CYP3A43: variants seen among roughly 807,000 people sequenced by gnomAD.
CYP3A43 encodes the protein cytochrome P450 3A43.
In CYP3A43, 45 loss-of-function variants were observed where a neutral mutation model predicts 58.0. The observed-to-expected ratio is 0.78, with a 90% confidence interval of 0.61 to 0.99. The LOEUF (loss-of-function observed/expected upper bound fraction) is 0.99. CYP3A43 is among the 50% of genes least tolerant of loss of function. The probability of loss-of-function intolerance (pLI) is 0.00; values close to 1 mark genes in which losing one functional copy is unlikely to be tolerated. For missense variants in CYP3A43, 593 were observed against 591.9 expected, an observed-to-expected ratio of 1.00 and a Z score of -0.02; for synonymous variants, 191 against 201.4, an observed-to-expected ratio of 0.95 and a Z score of 0.44.
chr7:99,842,036 A>G (rs2151599666), intron 3 of CYP3A43, among the ~76,000 whole-genome samples: 1 of 152,362 alleles, frequency 6.6e-6, no homozygotes, highest in South Asian at 2.1e-4. Context: ...CTTTGAATTA[A>G]GACTTCTAAA....
chr7:99,835,364 G>T (rs1378459947), intron 1 of CYP3A43, among the ~76,000 whole-genome samples: 2 of 152,168 alleles, frequency 1.3e-5, no homozygotes, highest in African/African-American at 4.8e-5. Context: ...AGATGTTTAG[G>T]ACTGCTGCTG....
Position 99,847,648 on chromosome 7 carries a change from TG to T in CYP3A43, c.432+49del, listed in dbSNP as rs752952736. ...TAATTAGAAACTTAAAGGATGAATC[TG>T]GAGACAGGTAGTAAGTATCATCATA... is the stretch of plus-strand genomic sequence containing the variant. On this transcript the variant is annotated intron_variant, in intron 5 of 12. Transcript: ENST00000354829. 2.5e-6 allele frequency: 4 copies of T among 1,607,492 alleles called. No homozygotes were observed. The South Asian group carries it at 4.4e-5, about 18-fold the overall frequency.
At chr7:99,835,519 T>C (rs1309681628) in intron 1 of CYP3A43, among the ~76,000 whole-genome samples, 3 of 152,238 alleles carry the variant, frequency 2.0e-5, no homozygotes, top group Non-Finnish European at 4.4e-5. Flanking sequence ...TAAGCTCTCC[T>C]TCTTTTTCTC....
chr7:99,855,648 A>T lies in CYP3A43; in HGVS notation c.728A>T (p.Lys243Ile). The T allele has an allele frequency of 6.2e-7, 1 of 1,613,686 alleles. No individual in the cohort carries two copies. The highest frequency in any genetic ancestry group is 8.5e-7 in the Non-Finnish European group (1 of 1,179,896). Residue 243 changes from lysine to isoleucine, a missense_variant, in exon 8 of 13, where the codon AAA becomes ATA. Coordinates refer to ENST00000354829, the MANE Select transcript of CYP3A43 (RefSeq NM_057095.3). ...GCCCTAAATATCGGTTTGTTTCCAA[A>T]AGATGTTACCCATTTTTTAAAAAAT... ...FEALNIGLFP[K>I]DVTHFLKNSI...
rs372869735 is a variant in CYP3A43 at position 99,839,109 on chromosome 7, T to C, written c.166-11T>C. On this transcript the variant is annotated splice_polypyrimidine_tract_variant and intron_variant, in intron 2 of 12. Transcript: ENST00000354829. ...AATAATACTTGAATTGTATTTTGTT[T>C]CTTCTGCCAGGGTCTTTGGAATTTT... The C allele has an allele frequency of 1.9e-6, 3 of 1,614,080 alleles. No individual in the cohort carries two copies. In the African/African-American group the frequency reaches 4.0e-5, roughly 22 times the overall value.
chr7:99,845,775 T>C (rs1199117237), intron 4 of CYP3A43, among the ~76,000 whole-genome samples: 3 of 141,594 alleles, frequency 2.1e-5, no homozygotes, highest in Non-Finnish European at 4.4e-5. Context: ...TTAGTTCTTG[T>C]TTTTGCTTTT....
At chr7:99,850,559 T>C (rs996205468) in intron 7 of CYP3A43, among the ~76,000 whole-genome samples, 5 of 152,144 alleles carry the variant, frequency 3.3e-5, no homozygotes, top group African/African-American at 9.7e-5. Flanking sequence ...ACCTTTTTTA[T>C]GTTGCCCAGG....
At chr7:99,836,354 C>A in intron 1 of CYP3A43, 99 bp from the exon 2 acceptor site, 1 of 863,762 alleles carries the variant, frequency 1.2e-6, no homozygotes, top group Non-Finnish European at 1.9e-6. Context: ...CATGTTACCT[C>A]CCTCCCTTGA....
chr7:99,844,056 C>A, intron 3 of CYP3A43, 87 bp from the exon 4 acceptor site: 2 of 1,045,886 alleles, frequency 1.9e-6, no homozygotes, highest in Admixed American at 2.4e-5. Context: ...GATGGAATGT[C>A]AGGATCAAAA....
In CYP3A43 at chr7:99,828,038, T is replaced by C; in HGVS notation, c.-78T>C. The C allele has an allele frequency of 8.3e-7, 1 of 1,207,488 alleles. No individual in the cohort carries two copies. The highest frequency in any genetic ancestry group is 1.2e-6 in the Non-Finnish European group (1 of 835,518). 74.8% of individuals were successfully genotyped at this position (1,207,488 alleles called of 1,614,324 possible). On this transcript the variant is annotated 5_prime_UTR_variant, in exon 1 of 13. Transcript: ENST00000354829. ...ACCTCTGGGCAGAGAAACAAAGCTCTATATGCACAGCCCAGCAAAGAGCAG... is the reference window on the plus strand; with the variant it reads ...ACCTCTGGGCAGAGAAACAAAGCTCCATATGCACAGCCCAGCAAAGAGCAG...
chr7:99,844,725 T>A (rs963796750), intron 4 of CYP3A43, among the ~76,000 whole-genome samples: 10 of 152,204 alleles, frequency 6.6e-5, no homozygotes, highest in Non-Finnish European at 1.5e-4. Context: ...TTACTGTAAG[T>A]CTGAAAATTA....
chr7:99,850,033 T>A, intron 7 of CYP3A43: 1 of 444,958 alleles, frequency 2.2e-6, no homozygotes, highest in Non-Finnish European at 4.4e-6. Flanking sequence ...CTGGGCTCAC[T>A]GAAACCTCCA....
intron 7 of CYP3A43, among the ~76,000 whole-genome samples, chr7:99,850,534 T>G (rs1817721552): frequency 6.6e-6 from 1 of 152,042 alleles, no homozygotes; most frequent in African/African-American, 2.4e-5. Context: ...TGAGCCACCA[T>G]GCCCTGCCTT....
chr7:99,837,653 A>T (rs999838477), intron 2 of CYP3A43, among the ~76,000 whole-genome samples: 21 of 152,198 alleles, frequency 1.4e-4, no homozygotes, highest in South Asian at 2.1e-4. Flanking sequence ...GTTTTTTTTT[A>T]AAAGAAAGGC....
At chr7:99,830,789 A>G (rs1816812400) in intron 1 of CYP3A43, among the ~76,000 whole-genome samples, 1 of 152,234 alleles carries the variant, frequency 6.6e-6, no homozygotes, top group South Asian at 2.1e-4. Context: ...ATGCATATTC[A>G]TGAGATAAAT....
At chr7:99,828,946 C>T (rs1175497149) in intron 1 of CYP3A43, among the ~76,000 whole-genome samples, 1 of 152,216 alleles carries the variant, frequency 6.6e-6, no homozygotes, top group Non-Finnish European at 1.5e-5. Context: ...AGCACTGCTA[C>T]CTGAGAGACT....
intron 1 of CYP3A43, among the ~76,000 whole-genome samples, chr7:99,834,549 CA>C (rs1816986230): frequency 6.6e-6 from 1 of 152,220 alleles, no homozygotes; most frequent in African/African-American, 2.4e-5. Context: ...CTGTGCTCCA[CA>C]GGTCCAATAT....
At chr7:99,847,148 C>T (rs1443344942) in intron 4 of CYP3A43, among the ~76,000 whole-genome samples, 4 of 152,152 alleles carry the variant, frequency 2.6e-5, no homozygotes, top group Admixed American at 6.5e-5. Context: ...TCCCTTTCTG[C>T]TTTGCACAAC....
intron 11 of CYP3A43, 27 bp downstream of exon 11, chr7:99,861,866 TC>T: frequency 6.3e-7 from 1 of 1,581,642 alleles, no homozygotes; most frequent in Non-Finnish European, 8.7e-7. Flanking sequence ...AAAGGAGCCT[TC>T]CCTCAACCAG....
Sources: allele counts gnomAD v4.1 joint callset (sites outside exome capture counted in the v4.1 genomes callset), GRCh38; gene constraint gnomAD v4.1.1; transcripts MANE v1.5; gene names NCBI Gene and HGNC (gene_info 2026-07-23, HGNC 2026-07-21).